DAW1: variants seen among roughly 807,000 people sequenced by gnomAD.
DAW1 encodes dynein assembly factor with WD repeat domains 1.
DAW1 carries 47 observed loss-of-function variants against 56.5 expected under a neutral mutation model. The ratio of observed to expected loss-of-function variants is 0.83; its 90% CI spans 0.66 to 1.06. The LOEUF (loss-of-function observed/expected upper bound fraction) is 1.06. Ranked by LOEUF, DAW1 falls within the 50% of genes least tolerant of loss-of-function variation. The pLI is 0.00. For synonymous variants in DAW1, 190 were observed against 179.0 expected (o/e 1.06, Z -0.49); for missense variants, 505 against 499.3 (o/e 1.01, Z -0.11).
chr2:227,882,018 G>A (rs966809104), intron 1 of DAW1, among the ~76,000 whole-genome samples: 4 of 152,016 alleles, frequency 2.6e-5, no homozygotes, highest in African/African-American at 9.7e-5. Context: ...TCCCAAAGTG[G>A]TGGGATTACA....
At position 227,923,975 on chromosome 2, in the gene DAW1, G is replaced by A; in HGVS notation, c.*7G>A. 1.2e-6 allele frequency: 2 copies of A among 1,614,052 alleles called. No individual in the cohort carries two copies. Among genetic ancestry groups the A allele is most frequent in the Non-Finnish European group, 8.5e-7 (1 of 1,179,924 alleles). On this transcript the variant is annotated 3_prime_UTR_variant, in exon 13 of 13. Coordinates refer to ENST00000309931, the MANE Select transcript of DAW1 (RefSeq NM_178821.3). ...CTGTAGGATATGGCGTTGACTGAAG[G>A]AAGCTGGTCAGTGAGCAACCTTGCT...
chr2:227,876,401 C>G lies in DAW1; in HGVS notation c.40+4672C>G, dbSNP rs1184396614. The G allele has an allele frequency of 5.5e-6, 7 of 1,282,612 alleles. No homozygotes were observed. In the Admixed American group the frequency reaches 7.1e-5, roughly 13 times the overall value. 79.5% of individuals were successfully genotyped at this position (1,282,612 alleles called of 1,614,324 possible). Reference sequence around the variant, plus strand: ...CTTAATGCTTATCTTATAATGAGGTCATATTACTTAGCATGCTTGACATTT... The same window carrying G: ...CTTAATGCTTATCTTATAATGAGGTGATATTACTTAGCATGCTTGACATTT... On this transcript the variant is annotated intron_variant, in intron 1 of 12. Transcript: ENST00000309931.
chr2:227,902,508 C>T (rs1474810514), intron 6 of DAW1, among the ~76,000 whole-genome samples: 1 of 151,960 alleles, frequency 6.6e-6, no homozygotes, highest in African/African-American at 2.4e-5. Flanking sequence ...ATACTAAGGT[C>T]CATGGTGTGG....
chr2:227,892,717 ACTTTTCTTCAC>A (rs1269299360), intron 4 of DAW1, among the ~76,000 whole-genome samples: 1 of 152,130 alleles, frequency 6.6e-6, no homozygotes, highest in African/African-American at 2.4e-5. Context: ...TCGCTATTAG[ACTTTTCTTCAC>A]CTTTTCTTGT....
At chr2:227,894,127 C>T (rs187196759) in intron 5 of DAW1, among the ~76,000 whole-genome samples, 22 of 152,148 alleles carry the variant, frequency 1.4e-4, no homozygotes, top group South Asian at 4.2e-4. Context: ...TAAGGCTGGG[C>T]GTGGTGGCTC....
At chr2:227,910,878 AT>A (rs1691798386) in intron 10 of DAW1, among the ~76,000 whole-genome samples, 1 of 152,078 alleles carries the variant, frequency 6.6e-6, no homozygotes. Context: ...TCTGTGTCGA[AT>A]CCATGGTATC....
At chr2:227,890,670 C>T (rs1045957688) in intron 3 of DAW1, among the ~76,000 whole-genome samples, 37 of 152,176 alleles carry the variant, frequency 2.4e-4, no homozygotes, top group African/African-American at 8.2e-4. Context: ...AGTCTTGTAA[C>T]ATTTCTTTGT....
chr2:227,922,395 G>A (rs1239327167), intron 12 of DAW1, among the ~76,000 whole-genome samples: 11 of 152,158 alleles, frequency 7.2e-5, no homozygotes, highest in Admixed American at 4.6e-4. Context: ...AGTTTAGATC[G>A]TGGAAAGGGG....
intron 2 of DAW1, among the ~76,000 whole-genome samples, chr2:227,886,651 C>T (rs1034808175): frequency 9.9e-5 from 15 of 152,198 alleles, no homozygotes; most frequent in Non-Finnish European, 2.9e-5. Flanking sequence ...TACAAAACTC[C>T]ACTTCAAGGC....
chr2:227,876,584 C>A (rs372067196), intron 1 of DAW1: 1 of 1,129,764 alleles, frequency 8.9e-7, no homozygotes, highest in African/African-American at 1.6e-5. Context: ...GCATATAGAG[C>A]AGTTTTGTTT....
intron 10 of DAW1, among the ~76,000 whole-genome samples, chr2:227,910,495 AACACACACAC>A (rs55741229): frequency 6.9e-6 from 1 of 145,258 alleles, no homozygotes; most frequent in Admixed American, 6.9e-5. Context: ...TTTGTGGATG[AACACACACAC>A]ACACACACAC....
At chr2:227,887,315 A>G (rs151047641) in intron 2 of DAW1, among the ~76,000 whole-genome samples, 2 of 152,354 alleles carry the variant, frequency 1.3e-5, no homozygotes, top group African/African-American at 4.8e-5. Flanking sequence ...TAAATGGAAC[A>G]TGTTATTGAT....
chr2:227,904,632 T>C (rs997026285), intron 7 of DAW1, among the ~76,000 whole-genome samples: 1 of 152,198 alleles, frequency 6.6e-6, no homozygotes, highest in African/African-American at 2.4e-5. Flanking sequence ...CCTCTTTCTT[T>C]TGTTTTTAAT....
chr2:227,875,372 C>A (rs1690856284), intron 1 of DAW1, among the ~76,000 whole-genome samples: 1 of 152,154 alleles, frequency 6.6e-6, no homozygotes, highest in Admixed American at 6.5e-5. Flanking sequence ...TCTGCTCCAG[C>A]CCTCCAATGA....
intron 1 of DAW1, 84 bp from the exon 2 acceptor site, chr2:227,885,267 G>T: frequency 1.1e-6 from 1 of 949,082 alleles, no homozygotes; most frequent in Non-Finnish European, 1.5e-6. Context: ...AAATAAAAAT[G>T]GAAAAAACTG....
In DAW1 at chr2:227,902,876, C is replaced by T. The variant is rs1400701025; in HGVS notation, c.541-126C>T. The T allele has an allele frequency of 2.5e-5, 23 of 937,580 alleles. No individual in the cohort carries two copies. The Admixed American group carries it at 2.6e-4, about 10-fold the overall frequency. 58.1% of individuals were successfully genotyped at this position (937,580 alleles called of 1,614,324 possible). On this transcript the variant is annotated intron_variant, in intron 6 of 12. Transcript: ENST00000309931. The stretch of plus-strand genomic sequence containing the variant: ...ACCTGGGGGTAGCAGGTCACACATA[C>T]GTGGGGTTTTGTACAAAGAATTAGA...
rs75409981 is a variant in DAW1 at position 227,904,277 on chromosome 2, T to C, written c.649-652T>C. Among the ~76,000 whole-genome samples the C allele has an allele frequency of 4.2e-3, 641 of 152,348 alleles. 6 individuals are homozygous for C. The highest frequency in any genetic ancestry group is 0.015 in the African/African-American group (608 of 41,578). On this transcript the variant is annotated intron_variant, in intron 7 of 12. Transcript: ENST00000309931. The stretch of plus-strand genomic sequence containing the variant: ...TTTGTATTATTTAAAAGTATACTTA[T>C]GTTAATTTACTAAAATAATGAAGGA...
intron 10 of DAW1, among the ~76,000 whole-genome samples, chr2:227,917,071 A>C (rs895604574): frequency 3.0e-4 from 45 of 152,032 alleles, no homozygotes; most frequent in African/African-American, 1.1e-3. Flanking sequence ...ATGTGACACT[A>C]AGCTATGTCT....
At chr2:227,890,617 G>C (rs114928246) in intron 3 of DAW1, among the ~76,000 whole-genome samples, 298 of 152,246 alleles carry the variant, frequency 2.0e-3, no homozygotes, top group African/African-American at 6.8e-3. Context: ...AGACTCACCT[G>C]ATACAAAATA....
Sources: allele counts gnomAD v4.1 joint callset (sites outside exome capture counted in the v4.1 genomes callset), GRCh38; gene constraint gnomAD v4.1.1; transcripts MANE v1.5; gene names NCBI Gene and HGNC (gene_info 2026-07-23, HGNC 2026-07-21).